SMOC2: variants seen among roughly 807,000 people sequenced by gnomAD.
SMOC2 encodes SPARC related modular calcium binding 2, also known as SPARC-related modular calcium-binding protein 2.
In SMOC2, 39 loss-of-function variants were observed where a neutral mutation model predicts 61.4. The observed-to-expected ratio is 0.64, with a 90% CI of 0.49 to 0.83. The LOEUF is 0.83. SMOC2 is among the 40% of genes least tolerant of loss of function. The pLI is 0.00. For missense variants in SMOC2, 556 were observed against 592.9 expected (o/e 0.94, Z 0.65); for synonymous variants, 247 against 239.9 (o/e 1.03, Z -0.27).
At chr6:168,516,868 C>G (rs778329189) in intron 2 of SMOC2, among the ~76,000 whole-genome samples, 1 of 152,140 alleles carries the variant, frequency 6.6e-6, no homozygotes, top group African/African-American at 2.4e-5. Context: ...GCAGGGGAAT[C>G]CCTTGAACCC....
intron 1 of SMOC2, among the ~76,000 whole-genome samples, chr6:168,469,051 C>G (rs1256754115): frequency 6.6e-6 from 1 of 152,178 alleles, no homozygotes; most frequent in Non-Finnish European, 1.5e-5. Context: ...GCTGATGGAT[C>G]CAATGGTGTT....
intron 1 of SMOC2, among the ~76,000 whole-genome samples, chr6:168,506,118 C>A (rs1212649210): frequency 6.6e-6 from 1 of 152,106 alleles, no homozygotes; most frequent in Non-Finnish European, 1.5e-5. Flanking sequence ...AGTGAGCCTC[C>A]CACCTCAGCC....
chr6:168,447,033 C>T (rs1781346691), intron 1 of SMOC2, among the ~76,000 whole-genome samples: 1 of 152,172 alleles, frequency 6.6e-6, no homozygotes, highest in Non-Finnish European at 1.5e-5. Flanking sequence ...GCACATATCT[C>T]TGCCCACTTT....
At chr6:168,550,874 T>C (rs989371264) in intron 7 of SMOC2, among the ~76,000 whole-genome samples, 19 of 152,358 alleles carry the variant, frequency 1.2e-4, no homozygotes, top group African/African-American at 4.6e-4. Flanking sequence ...AAAAAAGTTA[T>C]TTTGATTTAT....
At chr6:168,564,658 A>G (rs529128814) in intron 7 of SMOC2, among the ~76,000 whole-genome samples, 1 of 152,160 alleles carries the variant, frequency 6.6e-6, no homozygotes, top group East Asian at 1.9e-4. Flanking sequence ...AGTCCAGTTT[A>G]CCTATCTTTT....
At chr6:168,634,101 C>A (rs1330875383) in intron 9 of SMOC2, among the ~76,000 whole-genome samples, 1 of 152,214 alleles carries the variant, frequency 6.6e-6, no homozygotes, top group Non-Finnish European at 1.5e-5. Flanking sequence ...GTCCATTCAA[C>A]CTCTTTCCTT....
chr6:168,473,791 A>G (rs989250197), intron 1 of SMOC2, among the ~76,000 whole-genome samples: 1 of 152,030 alleles, frequency 6.6e-6, no homozygotes, highest in South Asian at 2.1e-4. Flanking sequence ...CTCACAAGCA[A>G]GACTCCTTTG....
intron 7 of SMOC2, among the ~76,000 whole-genome samples, chr6:168,562,452 A>G (rs971518215): frequency 6.6e-6 from 1 of 150,504 alleles, no homozygotes; most frequent in Non-Finnish European, 1.5e-5. Context: ...GTGTTCTCGG[A>G]GGAGGTGTCA....
intron 11 of SMOC2, among the ~76,000 whole-genome samples, chr6:168,657,482 C>A (rs1044748681): frequency 2.0e-5 from 3 of 152,204 alleles, no homozygotes; most frequent in Admixed American, 1.3e-4. Context: ...AGTAGTTGCC[C>A]ATGTGTGATT....
rs531835477 is a variant in SMOC2, at chr6:168,573,558, C to T, written c.637+24355C>T. Among the ~76,000 whole-genome samples, 23 of 152,266 alleles carry T rather than the reference C, an allele frequency of 1.5e-4. No individual in the cohort carries two copies. In the South Asian group the frequency reaches 2.5e-3, roughly 16 times the overall value. On this transcript the variant is annotated intron_variant, in intron 7 of 12. Transcript: ENST00000356284. ...TCTGTGTGTCCAGCCTGGGAGGAGG[C>T]GCAGAGGCTGGAGTAGCCTCTGCCC... is the stretch of plus-strand genomic sequence containing the variant.
At chr6:168,618,746 A>G (rs12194831) in intron 9 of SMOC2, among the ~76,000 whole-genome samples, 32,779 of 151,962 alleles carry the variant, frequency 0.22, 3,837 homozygotes, top group Non-Finnish European at 0.25. Context: ...CGCTCAGGAC[A>G]TCAGTAGCCC....
At chr6:168,498,440 GT>G (rs1246904891) in intron 1 of SMOC2, among the ~76,000 whole-genome samples, 9 of 151,752 alleles carry the variant, frequency 5.9e-5, no homozygotes, top group African/African-American at 2.2e-4. Flanking sequence ...CCGGCGGGTA[GT>G]TTAGCTGTGC....
intron 1 of SMOC2, among the ~76,000 whole-genome samples, chr6:168,497,327 C>G (rs1233956280): frequency 2.0e-5 from 3 of 152,268 alleles, no homozygotes; most frequent in African/African-American, 4.8e-5. Flanking sequence ...GCCTCCAGCC[C>G]TGACAACATC....
chr6:168,480,948 A>G (rs929786260), intron 1 of SMOC2, among the ~76,000 whole-genome samples: 2 of 152,132 alleles, frequency 1.3e-5, no homozygotes, highest in African/African-American at 4.8e-5. Flanking sequence ...AAACAAAACA[A>G]TCAAACTATC....
chr6:168,626,400 C>T (rs745680346), intron 9 of SMOC2, among the ~76,000 whole-genome samples: 3 of 152,156 alleles, frequency 2.0e-5, no homozygotes, highest in African/African-American at 4.8e-5. Context: ...AGGCACAGCT[C>T]GGATTACTTG....
chr6:168,447,240 G>T (rs1781351075), intron 1 of SMOC2, among the ~76,000 whole-genome samples: 1 of 151,820 alleles, frequency 6.6e-6, no homozygotes, highest in Admixed American at 6.6e-5. Context: ...CTAATTTTTT[G>T]TATTTTTTTT....
At chr6:168,640,967 T>A (rs1171457932) in intron 9 of SMOC2, among the ~76,000 whole-genome samples, 1 of 152,200 alleles carries the variant, frequency 6.6e-6, no homozygotes, top group African/African-American at 2.4e-5. Context: ...GGGCCAGTTG[T>A]TTGGACAGTA....
At chr6:168,513,762 G>A (rs776197985) in intron 2 of SMOC2, among the ~76,000 whole-genome samples, 16 of 152,182 alleles carry the variant, frequency 1.1e-4, no homozygotes, top group Non-Finnish European at 2.1e-4. Flanking sequence ...CAGGGAGCTC[G>A]TCTCTTCATT....
chr6:168,645,948 C>T (rs138253416), intron 9 of SMOC2, among the ~76,000 whole-genome samples: 5 of 152,290 alleles, frequency 3.3e-5, no homozygotes, highest in East Asian at 3.9e-4. Flanking sequence ...ATGATGATGG[C>T]GTGAATACCT....
Sources: allele counts gnomAD v4.1 joint callset (sites outside exome capture counted in the v4.1 genomes callset), GRCh38; gene constraint gnomAD v4.1.1; transcripts MANE v1.5; gene names NCBI Gene and HGNC (gene_info 2026-07-23, HGNC 2026-07-21).